The following MTCL1 variants were observed in gnomAD, a reference collection of about 807,000 sequenced individuals.
MTCL1 encodes microtubule crosslinking factor 1.
A neutral mutation model predicts 141.4 loss-of-function variants in MTCL1; 79 were observed. That is an observed-to-expected ratio of 0.56 (90% CI 0.47 to 0.67). MTCL1 has a LOEUF of 0.67. MTCL1 is among the 30% of genes least tolerant of loss of function. The pLI is 0.00. For synonymous variants in MTCL1, 914 were observed against 875.8 expected (o/e 1.04, Z -0.77); for missense variants, 2,177 against 2,113.9 (o/e 1.03, Z -0.59).
chr18:8,824,616 C>G, intron 14 of MTCL1, 83 bp from the exon 14 acceptor site: 1 of 1,250,756 alleles, frequency 8.0e-7, no homozygotes, highest in Non-Finnish European at 1.1e-6. Context: ...ACTGACACTT[C>G]TCATGCAGGG....
At position 8,830,440 on chromosome 18, in the gene MTCL1, C is replaced by T. The variant is rs1053810313; in HGVS notation, c.*19-1167C>T. On this transcript the variant is annotated intron_variant, in intron 16 of 16. Transcript: ENST00000359865. The surrounding 1 kb of genome is among the most constrained non-coding windows in gnomAD (Gnocchi z 6.4). ...CTCTTCTGGAAGCCTGTGGCTCCCA[C>T]GCTGTCCTCGGGCCATGCTGTCTCT... 14 of 985,468 alleles carry T rather than the reference C, an allele frequency of 1.4e-5. No homozygotes were observed. Among genetic ancestry groups the T allele is most frequent in the South Asian group, 1.4e-4 (3 of 21,292 alleles). 61.0% of individuals were successfully genotyped at this position (985,468 alleles called of 1,614,324 possible).
exon 3 of MTCL1, chr18:8,718,460 A>G (rs749928240): frequency 1.9e-6 from 3 of 1,614,184 alleles, no homozygotes; most frequent in Non-Finnish European, 2.5e-6. Context: ...GATGGAAGAG[A>G]TGAGAGACAG....
chr18:8,831,843 T>G, exon 17 of MTCL1: 2 of 1,546,572 alleles, frequency 1.3e-6, no homozygotes, highest in Non-Finnish European at 1.7e-6. Context: ...CACTGTAATT[T>G]GCATAACCAC....
At chr18:8,747,738 A>G (rs1021745988) in intron 4 of MTCL1, among the ~76,000 whole-genome samples, 1 of 152,248 alleles carries the variant, frequency 6.6e-6, no homozygotes, top group Non-Finnish European at 1.5e-5. Flanking sequence ...AAAACAGAGA[A>G]GCTGAGTAAG....
At chr18:8,706,171 G>A in exon 1 of MTCL1, 1 of 1,222,416 alleles carries the variant, frequency 8.2e-7, no homozygotes, top group Middle Eastern at 2.9e-4. Flanking sequence ...GGCGCCACCC[G>A]CCCGCACCGT....
chr18:8,710,874 TCTTTTTTTTTTTA>T (rs1278875145), intron 1 of MTCL1, among the ~76,000 whole-genome samples: 9 of 113,512 alleles, frequency 7.9e-5, no homozygotes, highest in African/African-American at 1.3e-4. Context: ...TTTTCTTTTT[TCTTTTTTTTTTTA>T]CTTTTTTTTT....
At chr18:8,721,199 AAG>A (rs1174641239) in intron 4 of MTCL1, among the ~76,000 whole-genome samples, 15 of 152,232 alleles carry the variant, frequency 9.9e-5, no homozygotes, top group African/African-American at 3.6e-4. Flanking sequence ...TTGAAATTAA[AAG>A]CCTTTGGCGA....
At chr18:8,826,890 T>C (rs2077044321) in intron 15 of MTCL1, among the ~76,000 whole-genome samples, 1 of 152,250 alleles carries the variant, frequency 6.6e-6, no homozygotes, top group South Asian at 2.1e-4. Context: ...CAATCCACTG[T>C]GAATTGGGTT....
At chr18:8,806,216 C>G (rs1205114254) in intron 10 of MTCL1, among the ~76,000 whole-genome samples, 2 of 152,092 alleles carry the variant, frequency 1.3e-5, no homozygotes, top group African/African-American at 4.8e-5. Context: ...TGCATTTCAC[C>G]TTTGGCTTTA....
exon 15 of MTCL1, chr18:8,825,701 G>A: frequency 6.2e-7 from 1 of 1,614,050 alleles, no homozygotes; most frequent in Non-Finnish European, 8.5e-7. Flanking sequence ...AGCTGCAGAG[G>A]AAGCCCCTCC....
chr18:8,807,593 A>G (rs2076343521), intron 11 of MTCL1, among the ~76,000 whole-genome samples: 2 of 152,336 alleles, frequency 1.3e-5, no homozygotes, highest in South Asian at 4.1e-4. Flanking sequence ...TCACAGAGCC[A>G]TGTAGTGCTA....
chr18:8,824,124 C>T (rs560364049), intron 14 of MTCL1, among the ~76,000 whole-genome samples: 4 of 152,354 alleles, frequency 2.6e-5, no homozygotes, highest in African/African-American at 9.6e-5. Context: ...CACTTCTTTG[C>T]CCTGGTGGTA....
At chr18:8,708,555 C>G (rs761093900) in intron 1 of MTCL1, among the ~76,000 whole-genome samples, 7 of 152,156 alleles carry the variant, frequency 4.6e-5, no homozygotes, top group Non-Finnish European at 1.0e-4. Context: ...GAGGTGGCAC[C>G]TGCGTTTCCC....
At chr18:8,729,643 A>G (rs2096239851) in intron 4 of MTCL1, among the ~76,000 whole-genome samples, 1 of 100,040 alleles carries the variant, frequency 1.0e-5, no homozygotes, top group Non-Finnish European at 2.0e-5. Context: ...GACTCAAGTG[A>G]TCCTCTCACT....
At chr18:8,773,254 CT>C (rs1420114003) in intron 4 of MTCL1, among the ~76,000 whole-genome samples, 4 of 152,180 alleles carry the variant, frequency 2.6e-5, no homozygotes, top group African/African-American at 9.7e-5. Context: ...CCTGCACCCC[CT>C]GCCATGCTGC....
chr18:8,781,693 C>T (rs2096533164), intron 5 of MTCL1, among the ~76,000 whole-genome samples: 1 of 152,190 alleles, frequency 6.6e-6, no homozygotes, highest in African/African-American at 2.4e-5. Context: ...TCATTTGACC[C>T]TCACAACGAC....
intron 10 of MTCL1, among the ~76,000 whole-genome samples, 188 bp from the exon 10 acceptor site, chr18:8,806,705 G>A (rs955331895): frequency 2.0e-5 from 3 of 152,094 alleles, no homozygotes; most frequent in Non-Finnish European, 4.4e-5. Flanking sequence ...CCAGGAGACC[G>A]ATGGCCAGCA....
intron 4 of MTCL1, among the ~76,000 whole-genome samples, chr18:8,765,062 C>T (rs1471347641): frequency 6.6e-6 from 1 of 152,200 alleles, no homozygotes; most frequent in African/African-American, 2.4e-5. Context: ...GCAAGAAGAA[C>T]AAGTGAGTTG....
chr18:8,786,456 G>A (rs2096556258), intron 7 of MTCL1: 2 of 445,874 alleles, frequency 4.5e-6, no homozygotes, highest in Admixed American at 2.5e-5. Flanking sequence ...TCCCTGCTCT[G>A]GAGGAAACTC....
Sources: allele counts gnomAD v4.1 joint callset (sites outside exome capture counted in the v4.1 genomes callset), GRCh38; gene constraint gnomAD v4.1.1; non-coding constraint Gnocchi (gnomAD v3.1); transcripts MANE v1.5; gene names NCBI Gene and HGNC (gene_info 2026-07-23, HGNC 2026-07-21).